Variants in AFDN observed in about 807,000 individuals in gnomAD.
AFDN encodes the protein afadin.
A neutral mutation model predicts 216.6 loss-of-function variants in AFDN; 68 were observed. That is an observed-to-expected ratio of 0.31 (90% confidence interval 0.26 to 0.38). The LOEUF is 0.38. Ranked by LOEUF, AFDN falls within the 10% of genes least tolerant of loss-of-function variation. The pLI is 1.00. For synonymous variants in AFDN, 868 were observed against 853.7 expected, an observed-to-expected ratio of 1.02 and a Z score of -0.29; for missense variants, 2,136 against 2,342.0, an observed-to-expected ratio of 0.91 and a Z score of 1.82.
In AFDN at chr6:167,962,485, G is replaced by A. The variant is rs926726705; in HGVS notation, c.4886G>A (p.Arg1629Gln). The stretch of plus-strand genomic sequence containing the variant: ...CAGCAGTTAGAAGAGATGCGCAAGC[G>A]GGAAGCGGAAGACCGAGCGAGGCAA... ...RQQQLEEMRKREAEDRARQEE... is the reference protein window; with the variant it reads ...RQQQLEEMRKQEAEDRARQEE... Residue 1629 changes from arginine to glutamine, a missense_variant, in exon 31 of 34, where the codon CGG (arginine) becomes CAG (glutamine). Physicochemically the swap from Arg to Gln is conservative, Grantham distance 43 (BLOSUM62 1). This residue lies in a region of AFDN where 981 missense variants were observed against 966.0 expected (regional missense o/e 1.02). Coordinates refer to ENST00000683244, the MANE Select transcript of AFDN (RefSeq NM_001386888.1). This position sits in a 1 kb window ranked among gnomAD's most constrained non-coding sequence, Gnocchi z 5.2. 2.5e-6 allele frequency: 4 copies of A among 1,613,678 alleles called. No individual in the cohort carries two copies. Among genetic ancestry groups the A allele is most frequent in the South Asian group, 2.2e-5 (2 of 91,068 alleles).
In AFDN at chr6:167,872,211, C is replaced by T; in HGVS notation, c.415-3C>T. 3 of 1,605,342 alleles carry T rather than the reference C, an allele frequency of 1.9e-6. No individual in the cohort carries two copies. The highest frequency in any genetic ancestry group is 2.5e-6 in the Non-Finnish European group (3 of 1,177,824). On this transcript the variant is annotated splice_region_variant and splice_polypyrimidine_tract_variant and intron_variant, in intron 3 of 33. Coordinates refer to ENST00000683244, the MANE Select transcript of AFDN (RefSeq NM_001386888.1). ...AATATGGTGATAATGTTACTTTCAT[C>T]AGAAGGCTCAAAGTAATGGACCTGA...
intron 10 of AFDN, among the ~76,000 whole-genome samples, chr6:167,897,827 G>A (rs1056110216): frequency 2.6e-5 from 4 of 151,740 alleles, no homozygotes; most frequent in South Asian, 2.1e-4. Context: ...TGTATTTTTC[G>A]TAGAGACGGA....
intron 19 of AFDN, 100 bp downstream of exon 19, chr6:167,915,533 T>C (rs979738818): frequency 1.2e-5 from 16 of 1,379,128 alleles, no homozygotes; most frequent in African/African-American, 2.9e-5. Flanking sequence ...CTCAATACCC[T>C]CTTTTTGGGG....
chr6:167,876,780 TTTA>T (rs1466223167), intron 5 of AFDN, among the ~76,000 whole-genome samples: 3 of 152,216 alleles, frequency 2.0e-5, no homozygotes, highest in Non-Finnish European at 1.5e-5. Flanking sequence ...ATTTTTTTTT[TTTA>T]CGATAAAATA....
At chr6:167,878,591 CTCTCTCTCTCTCTCTG>C (rs971418063) in intron 5 of AFDN, among the ~76,000 whole-genome samples, 2 of 137,586 alleles carry the variant, frequency 1.5e-5, no homozygotes, top group African/African-American at 5.1e-5. Context: ...CACCCACTCT[CTCTCTCTCTCTCTCTG>C]TCTCTCTCTC....
chr6:167,923,957 G>C (rs537120653), intron 22 of AFDN, among the ~76,000 whole-genome samples: 5 of 152,144 alleles, frequency 3.3e-5, no homozygotes, highest in South Asian at 4.2e-4. Flanking sequence ...ACTAACTGCT[G>C]TCTGTTAAGT....
intron 31 of AFDN, chr6:167,964,747 A>C (rs1449771393): frequency 9.4e-7 from 1 of 1,065,672 alleles, no homozygotes; most frequent in African/African-American, 1.6e-5. Flanking sequence ...CAAGCTCTCT[A>C]AAATTAGTTT....
chr6:167,971,938 T>C lies in AFDN; in HGVS notation c.*2003T>C. 1 of 200,506 alleles carries C rather than the reference T, an allele frequency of 5.0e-6. No homozygotes were observed. The highest frequency in any genetic ancestry group is 1.0e-5 in the Non-Finnish European group (1 of 97,184). The allele number at this position is 200,506 out of a possible 1,614,324, so 12.4% of individuals were successfully genotyped here. On this transcript the variant is annotated 3_prime_UTR_variant, in exon 34 of 34. Coordinates refer to ENST00000683244, the MANE Select transcript of AFDN (RefSeq NM_001386888.1). ...GTATTTGCTATTGTTTTGAAAGTGC[T>C]GACAAAGTTTATATTTGTAACATCA... is the stretch of plus-strand genomic sequence containing the variant.
chr6:167,966,292 A>C, intron 32 of AFDN: 5 of 1,474,752 alleles, frequency 3.4e-6, no homozygotes, highest in East Asian at 2.7e-5. Context: ...AGAGTGACAA[A>C]TCAGCTCTCT....
chr6:167,914,428 A>T, intron 17 of AFDN, 115 bp downstream of exon 17: 1 of 1,349,706 alleles, frequency 7.4e-7, no homozygotes, highest in Non-Finnish European at 1.0e-6. Flanking sequence ...GAAGGTGAAT[A>T]TAAAGAAGCA....
chr6:167,862,730 A>T (rs932021567), intron 1 of AFDN, among the ~76,000 whole-genome samples: 1 of 152,198 alleles, frequency 6.6e-6, no homozygotes, highest in Non-Finnish European at 1.5e-5. Flanking sequence ...GTTTAAAAGG[A>T]TGTCAGGTTT....
In AFDN at chr6:167,969,762, G is replaced by A. The variant is rs373956862; in HGVS notation, c.5343-20G>A. 2.2e-5 allele frequency: 35 copies of A among 1,583,630 alleles called. No individual in the cohort carries two copies. The highest frequency in any genetic ancestry group is 2.8e-5 in the Non-Finnish European group (33 of 1,169,800). On this transcript the variant is annotated intron_variant, in intron 33 of 33. Coordinates refer to ENST00000683244, the MANE Select transcript of AFDN (RefSeq NM_001386888.1). ...GTTTCTAGTTTGTCCAGTAATCTTT[G>A]ATATTGCCCTCTTCTGCAGCCAAGA...
chr6:167,899,331 C>A (rs1198992837), intron 11 of AFDN, among the ~76,000 whole-genome samples: 1 of 152,210 alleles, frequency 6.6e-6, no homozygotes, highest in Middle Eastern at 3.2e-3. Context: ...CCCCAAGTGT[C>A]AGCAAATGAC....
At chr6:167,930,588 T>C (rs1793162958) in intron 23 of AFDN, among the ~76,000 whole-genome samples, 2 of 151,996 alleles carry the variant, frequency 1.3e-5, no homozygotes, top group Non-Finnish European at 2.9e-5. Context: ...GTGGGGTGTG[T>C]GGAGAGGCAG....
rs183179639 is a variant in AFDN, at chr6:167,925,861, T to C, written c.3099+770T>C. 3.3e-5 allele frequency among the ~76,000 whole-genome samples: 5 copies of C among 152,328 alleles called. No homozygotes were observed. In the East Asian group the frequency reaches 5.8e-4, roughly 18 times the overall value. On this transcript the variant is annotated intron_variant, in intron 23 of 33. Coordinates refer to ENST00000683244, the MANE Select transcript of AFDN (RefSeq NM_001386888.1). ...TTAGATATTTTCCATGAAACAAATA[T>C]GTGTTTAGCTAATATTCAGTAACTA...
intron 1 of AFDN, among the ~76,000 whole-genome samples, chr6:167,836,319 T>A (rs886705766): frequency 2.6e-5 from 4 of 152,202 alleles, no homozygotes; most frequent in African/African-American, 9.6e-5. Flanking sequence ...CTGGCACTTG[T>A]CTGCCCCTTC....
chr6:167,906,531 A>AT (rs1390773272), intron 12 of AFDN, among the ~76,000 whole-genome samples: 1 of 152,138 alleles, frequency 6.6e-6, no homozygotes, highest in Non-Finnish European at 1.5e-5. Context: ...ATTGTATAAA[A>AT]TTTTTTCTTT....
At chr6:167,952,528 A>T in intron 30 of AFDN, 1 of 985,268 alleles carries the variant, frequency 1.0e-6, no homozygotes, top group African/African-American at 1.7e-5. Context: ...GATCCAGGGT[A>T]GGCAAAATTT....
At chr6:167,859,220 G>A (rs965190603) in intron 1 of AFDN, among the ~76,000 whole-genome samples, 2 of 152,012 alleles carry the variant, frequency 1.3e-5, no homozygotes, top group African/African-American at 2.4e-5. Flanking sequence ...GATTTCAAAA[G>A]CCCATATTCA....
Sources: gnomAD v4.1 joint callset for allele counts (sites outside exome capture counted in the v4.1 genomes callset) on GRCh38, gnomAD v4.1.1 for gene constraint, gnomAD v4.1.1 regional missense constraint, Gnocchi (gnomAD v3.1) non-coding constraint, MANE v1.5 for transcripts, NCBI Gene and HGNC (gene_info 2026-07-23, HGNC 2026-07-21) for gene names.